Variants in LY9 observed in about 807,000 individuals in gnomAD.
LY9 encodes the protein T-lymphocyte surface antigen Ly-9.
Under a neutral mutation model 64.6 loss-of-function variants are expected in LY9, and 59 were observed. The observed-to-expected ratio is 0.91, with a 90% CI of 0.74 to 1.13. The LOEUF is 1.13. Ranked by LOEUF, LY9 falls within the 50% of genes most tolerant of loss-of-function variation. The probability of loss-of-function intolerance (pLI) is 0.00; values close to 1 mark genes in which losing one functional copy is unlikely to be tolerated. For missense variants in LY9, 789 were observed against 797.2 expected (o/e 0.99, Z 0.12); for synonymous variants, 281 against 308.5 (o/e 0.91, Z 0.93).
chr1:160,826,218 G>A (rs1053373365), intron 9 of LY9, among the ~76,000 whole-genome samples: 1 of 152,320 alleles, frequency 6.6e-6, no homozygotes, highest in East Asian at 1.9e-4. Flanking sequence ...TTGGATCATT[G>A]TAAAGGTCTT....
rs1666293502 is a variant in LY9 at position 160,800,024 on chromosome 1, G to A, written c.396G>A (p.Gln132=). Residue 132 remains glutamine, a synonymous_variant, in exon 2 of 10, where the codon CAG becomes CAA. Transcript: ENST00000263285. ...TLNDAGSYKA[Q]INQRNFEVTT... Reference sequence around the variant, plus strand: ...ATGATGCAGGATCCTACAAAGCCCAGATAAACCAAAGGAATTTTGAAGTCA... The same window carrying A: ...ATGATGCAGGATCCTACAAAGCCCAAATAAACCAAAGGAATTTTGAAGTCA... The A allele has an allele frequency of 6.2e-7, 1 of 1,614,174 alleles. No homozygotes were observed. Among genetic ancestry groups the A allele is most frequent in the Non-Finnish European group, 8.5e-7 (1 of 1,180,028 alleles).
chr1:160,799,806 G>T lies in LY9; in HGVS notation c.178G>T (p.Gly60Trp), dbSNP rs756546411. 1.2e-6 allele frequency: 2 copies of T among 1,613,520 alleles called. No homozygotes were observed. Residue 60 changes from glycine (G) to tryptophan (W), a missense_variant, in exon 2 of 10, where the codon GGG (glycine) becomes TGG (tryptophan). By Grantham distance (184) the Gly-to-Trp change is radical. Transcript: ENST00000263285. ...SAPTVVSGIL[G>W]GSVTLPLNIS... ...CCCAACAGTGGTGTCAGGGATCCTAGGGGGTTCCGTGACTCTCCCCCTAAA... is the reference window on the plus strand; with the variant it reads ...CCCAACAGTGGTGTCAGGGATCCTATGGGGTTCCGTGACTCTCCCCCTAAA...
At chr1:160,810,897 A>C (rs949450990) in intron 2 of LY9, 1 of 152,262 alleles carries the variant, frequency 6.6e-6, no homozygotes, top group African/African-American at 2.4e-5. Flanking sequence ...TATGGAATAG[A>C]CATTGCCATT....
At position 160,827,940 on chromosome 1, in the gene LY9, T is replaced by C. The variant is rs140372368; in HGVS notation, c.*124T>C. On this transcript the variant is annotated 3_prime_UTR_variant, in exon 10 of 10. Transcript: ENST00000263285. ...TTTCCTTCAGTGCCTCAGAGATGCC[T>C]GGATGTGGCCCCTCCCCCTCCTTCT... 1 of 704,066 alleles carries C rather than the reference T, an allele frequency of 1.4e-6. No individual in the cohort carries two copies. Among genetic ancestry groups the C allele is most frequent in the Non-Finnish European group, 2.4e-6 (1 of 412,330 alleles). 43.6% of individuals were successfully genotyped at this position (704,066 alleles called of 1,614,324 possible).
At chr1:160,823,374 G>A (rs1229524915) in intron 7 of LY9, 91 bp from the exon 8 acceptor site, 2 of 912,328 alleles carry the variant, frequency 2.2e-6, no homozygotes, top group East Asian at 2.6e-5. Flanking sequence ...CTCATCTAAT[G>A]CAGGCATCAG....
In LY9 at chr1:160,827,810, C is replaced by A; in HGVS notation, c.1962C>A (p.Phe654Leu). ...CTGAAAGTCCTACCTATGAAAATTT[C>A]ACCTGAAAGGAAAAGCAGCTGCTGC... ...EIPESPTYEN[F>L]T The change falls in exon 10 of 10, where the codon TTC (phenylalanine) becomes TTA (leucine). Residue 654 changes from phenylalanine to leucine, a missense_variant. By Grantham distance (22) the Phe-to-Leu change is conservative. Transcript: ENST00000263285. 6.2e-7 allele frequency: 1 copy of A among 1,606,002 alleles called. No homozygotes were observed. Among genetic ancestry groups the A allele is most frequent in the Non-Finnish European group, 8.5e-7 (1 of 1,176,458 alleles).
At chr1:160,808,504 C>G (rs1329664616) in intron 2 of LY9, among the ~76,000 whole-genome samples, 1 of 152,162 alleles carries the variant, frequency 6.6e-6, no homozygotes, top group Admixed American at 6.5e-5. Flanking sequence ...ATGGTAGTTT[C>G]AGGGATTGGG....
At chr1:160,814,299 A>G in intron 3 of LY9, 121 bp from the exon 4 acceptor site, 1 of 740,842 alleles carries the variant, frequency 1.3e-6, no homozygotes, top group South Asian at 1.8e-5. Flanking sequence ...TCAGAGGAGG[A>G]GGCCAGGAGA....
chr1:160,804,626 C>A (rs1666804873), intron 2 of LY9, among the ~76,000 whole-genome samples: 1 of 152,110 alleles, frequency 6.6e-6, no homozygotes, highest in Non-Finnish European at 1.5e-5. Flanking sequence ...AAAATTCCCC[C>A]CACTTTGATT....
intron 2 of LY9, among the ~76,000 whole-genome samples, chr1:160,800,659 A>G (rs1472630568): frequency 6.6e-6 from 1 of 152,134 alleles, no homozygotes; most frequent in African/African-American, 2.4e-5. Flanking sequence ...AAGAGTGACC[A>G]TTGTACTCAA....
Position 160,816,724 on chromosome 1 carries a change from G to A in LY9, c.1203G>A (p.Lys401=). The change falls in exon 5 of 10, where the codon AAG becomes AAA. Residue 401 remains lysine, a synonymous_variant. Transcript: ENST00000263285. ...TGTACACATGGACCCCGCTGCAGAAGGAAGCTGTTGTGTCCCAAGGGGAAT... is the reference window on the plus strand; with the variant it reads ...TGTACACATGGACCCCGCTGCAGAAAGAAGCTGTTGTGTCCCAAGGGGAAT... The part of the protein sequence containing the change: ...TVMYTWTPLQ[K]EAVVSQGESH... 1 of 1,614,246 alleles carries A rather than the reference G, an allele frequency of 6.2e-7. No individual in the cohort carries two copies.
chr1:160,826,204 G>A (rs1226581846), intron 9 of LY9, among the ~76,000 whole-genome samples: 1 of 152,160 alleles, frequency 6.6e-6, no homozygotes, highest in African/African-American at 2.4e-5. Context: ...TTCATTAAGT[G>A]GAATTGGATC....
chr1:160,805,598 ATC>A (rs1383059696), intron 2 of LY9, among the ~76,000 whole-genome samples: 1 of 152,166 alleles, frequency 6.6e-6, no homozygotes, highest in African/African-American at 2.4e-5. Flanking sequence ...TTCTGTAAAT[ATC>A]TGTTAGGTCC....
intron 2 of LY9, chr1:160,812,355 G>A (rs946775401): frequency 3.9e-5 from 6 of 152,180 alleles, no homozygotes; most frequent in African/African-American, 1.4e-4. Flanking sequence ...CACATTCTGA[G>A]GTGCTAGAGG....
At position 160,796,328 on chromosome 1, in the gene LY9, G is replaced by A. The variant is rs1665852843; in HGVS notation, c.124+17G>A. 2.5e-6 allele frequency: 4 copies of A among 1,608,950 alleles called. No individual in the cohort carries two copies. The highest frequency in any genetic ancestry group is 3.4e-6 in the Non-Finnish European group (4 of 1,177,900). ...TGCTCATGGGTAAGTCCACTTTATG[G>A]CCACCACTTCTTGCTACTGCGGTTC... On this transcript the variant is annotated intron_variant, in intron 1 of 9. Coordinates refer to ENST00000263285, the MANE Select transcript of LY9 (RefSeq NM_002348.4).
At chr1:160,797,265 T>A in intron 1 of LY9, 9 of 985,530 alleles carry the variant, frequency 9.1e-6, no homozygotes, top group Non-Finnish European at 1.1e-5. Flanking sequence ...GCTTCAGGGA[T>A]GATGGTGCAG....
Position 160,802,107 on chromosome 1 carries a change from A to G in LY9, c.454+2025A>G. The G allele has an allele frequency of 7.3e-6, 10 of 1,377,552 alleles. No individual in the cohort carries two copies. The South Asian group carries it at 1.5e-4, about 21-fold the overall frequency. The allele number at this position is 1,377,552 out of a possible 1,614,324, so 85.3% of individuals were successfully genotyped here. On this transcript the variant is annotated intron_variant, in intron 2 of 9. Coordinates refer to ENST00000263285, the MANE Select transcript of LY9 (RefSeq NM_002348.4). The stretch of plus-strand genomic sequence containing the variant: ...TCCCATGGCACGTCGGGAACACCGG[A>G]GCCGCCAACTTGGAGACTCCTGGTC...
chr1:160,807,372 T>C (rs957874879), intron 2 of LY9, among the ~76,000 whole-genome samples: 1 of 152,044 alleles, frequency 6.6e-6, no homozygotes, highest in Non-Finnish European at 1.5e-5. Flanking sequence ...TAGGTCAGAG[T>C]GTGTTTATTA....
At chr1:160,823,280 T>C (rs1668617060) in intron 7 of LY9, among the ~76,000 whole-genome samples, 185 bp from the exon 8 acceptor site, 2 of 152,216 alleles carry the variant, frequency 1.3e-5, no homozygotes, top group African/African-American at 4.8e-5. Context: ...AATAAATGAA[T>C]GCTTGAAAGG....
Sources: gnomAD v4.1 joint callset for allele counts (sites outside exome capture counted in the v4.1 genomes callset) on GRCh38, gnomAD v4.1.1 for gene constraint, MANE v1.5 for transcripts, NCBI Gene and HGNC (gene_info 2026-07-23, HGNC 2026-07-21) for gene names.